Variants in MADD observed in about 807,000 individuals in gnomAD.
MADD encodes MAP kinase activating death domain, also known as MAP kinase-activating death domain protein.
A neutral mutation model predicts 176.7 loss-of-function variants in MADD; 109 were observed. The observed-to-expected ratio is 0.62, with a 90% CI of 0.53 to 0.72. MADD has a LOEUF of 0.72. Ranked by LOEUF, MADD falls within the 30% of genes least tolerant of loss-of-function variation. MADD has a pLI of 0.00. For missense variants in MADD, 1,914 were observed against 2,045.5 expected (o/e 0.94, Z 1.24); for synonymous variants, 771 against 771.3 (o/e 1.00, Z 0.01).
At chr11:47,312,184 C>T (rs2089934213) in intron 26 of MADD, among the ~76,000 whole-genome samples, 4 of 152,174 alleles carry the variant, frequency 2.6e-5, no homozygotes, top group Admixed American at 2.6e-4. Flanking sequence ...AAGACAATGG[C>T]CCCAAACTAT....
chr11:47,323,854 T>G lies in MADD; in HGVS notation c.4362+19T>G. The G allele has an allele frequency of 1.2e-6, 2 of 1,612,814 alleles. No individual in the cohort carries two copies. Among genetic ancestry groups the G allele is most frequent in the South Asian group, 2.2e-5 (2 of 91,032 alleles). On this transcript the variant is annotated intron_variant, in intron 28 of 32. Transcript: ENST00000402192. ...TAAAAAGGTACGCAGGATCTGTGTTTGGGTTGGGGCTAGTAGGCATTGAAG... is the reference window on the plus strand; with the variant it reads ...TAAAAAGGTACGCAGGATCTGTGTTGGGGTTGGGGCTAGTAGGCATTGAAG...
intron 1 of MADD, chr11:47,271,944 G>T (rs1169979945): frequency 6.6e-6 from 1 of 152,174 alleles, no homozygotes; most frequent in Admixed American, 6.5e-5. Context: ...ATTTGGGTTC[G>T]TTAAGCAGTG....
At chr11:47,278,976 C>A in intron 6 of MADD, 23 bp from the exon 7 acceptor site, 1 of 1,610,536 alleles carries the variant, frequency 6.2e-7, no homozygotes, top group Non-Finnish European at 8.5e-7. Flanking sequence ...AAGGTCACGT[C>A]TTTTATCATT....
At chr11:47,307,251 C>A (rs943545925) in intron 22 of MADD, among the ~76,000 whole-genome samples, 2 of 152,140 alleles carry the variant, frequency 1.3e-5, no homozygotes, top group South Asian at 4.1e-4. Context: ...TGAAATTATT[C>A]CAGTGTGTTT....
At chr11:47,290,710 A>G (rs1444532907) in exon 19 of MADD, 1 of 1,614,174 alleles carries the variant, frequency 6.2e-7, no homozygotes, top group Admixed American at 1.7e-5. Flanking sequence ...CTATGGCACA[A>G]CTGAGAGTTC....
At chr11:47,296,397 A>G (rs1186808856) in intron 22 of MADD, among the ~76,000 whole-genome samples, 3 of 152,220 alleles carry the variant, frequency 2.0e-5, no homozygotes. Context: ...GCTCTCGTTT[A>G]GTACCAGTCT....
chr11:47,326,028 A>G (rs1311896059), intron 30 of MADD, among the ~76,000 whole-genome samples: 4 of 152,180 alleles, frequency 2.6e-5, no homozygotes, highest in Non-Finnish European at 1.5e-5. Context: ...GTCTGGGGTA[A>G]ATGGGAAAAG....
chr11:47,324,575 CAGGT>C lies in MADD; in HGVS notation c.4542+3_4542+6del. ...GATCAACCTCAAATTCATGCACAATCAGGTAGGTGCGAGCGGCAGCACGAGGCTC... is the reference window on the plus strand; with the variant it reads ...GATCAACCTCAAATTCATGCACAATCAGGTGCGAGCGGCAGCACGAGGCTC... On this transcript the variant is annotated splice_donor_variant and coding_sequence_variant, in exon 30 of 33. Coordinates refer to ENST00000402192, the Ensembl canonical transcript of MADD. LOFTEE classifies it high-confidence loss of function. 6.2e-7 allele frequency: 1 copy of C among 1,609,948 alleles called. No individual in the cohort carries two copies. Among genetic ancestry groups the C allele is most frequent in the East Asian group, 2.2e-5 (1 of 44,838 alleles).
chr11:47,277,937 G>T (rs955014513), intron 5 of MADD, among the ~76,000 whole-genome samples: 21 of 152,122 alleles, frequency 1.4e-4, no homozygotes, highest in Admixed American at 2.6e-4. Context: ...CAGTTAACTG[G>T]AATCACAGAA....
In MADD at chr11:47,274,767, G is replaced by A. The variant is rs768681852; in HGVS notation, c.267G>A (p.Thr89=). ...TCACTGACAAGGACACTGGAGTCAC[G>A]CGATATGGCATCTGTGTTAACTTCT... Residue 89 remains threonine, a synonymous_variant, in exon 3 of 33, where the codon ACG becomes ACA. Transcript: ENST00000402192. 35 of 1,614,068 alleles carry A rather than the reference G, an allele frequency of 2.2e-5. No individual in the cohort carries two copies. Among genetic ancestry groups the A allele is most frequent in the Middle Eastern group, 1.6e-4 (1 of 6,084 alleles).
intron 22 of MADD, among the ~76,000 whole-genome samples, chr11:47,304,917 T>C: frequency 6.6e-6 from 1 of 152,014 alleles, no homozygotes; most frequent in East Asian, 1.9e-4. Context: ...TCACATGCAG[T>C]TGGGTTTTAG....
rs1565286438 is a variant in MADD at position 47,278,144 on chromosome 11, CCTT to C, written c.1096-17_1096-15del. On this transcript the variant is annotated intron_variant, in intron 5 of 32. Coordinates refer to ENST00000402192, the Ensembl canonical transcript of MADD. ...TGATAGGTTTTGTCTTTGTTTCTCA[CCTT>C]CTTTATCATTTCCACAGCTGCTGTT... 4 of 1,536,380 alleles carry C rather than the reference CCTT, an allele frequency of 2.6e-6. No individual in the cohort carries two copies. The highest frequency in any genetic ancestry group is 3.6e-6 in the Non-Finnish European group (4 of 1,109,668).
chr11:47,286,510 G>T, exon 15 of MADD: 1 of 1,613,874 alleles, frequency 6.2e-7, no homozygotes, highest in Non-Finnish European at 8.5e-7. Context: ...CCGAGAGAAG[G>T]CCACGCCCTT....
At chr11:47,289,692 G>A (rs1242436731) in intron 16 of MADD, among the ~76,000 whole-genome samples, 175 bp from the exon 18 acceptor site, 2 of 152,154 alleles carry the variant, frequency 1.3e-5, no homozygotes, top group African/African-American at 2.4e-5. Context: ...AATCAGCAGC[G>A]GTGGGTATTT....
At chr11:47,288,608 G>A (rs1003199276) in intron 15 of MADD, among the ~76,000 whole-genome samples, 1 of 152,198 alleles carries the variant, frequency 6.6e-6, no homozygotes, top group Non-Finnish European at 1.5e-5. Context: ...CCCCACAACA[G>A]CATCTGCAAG....
intron 10 of MADD, 75 bp from the exon 11 acceptor site, chr11:47,284,103 T>C: frequency 1.0e-6 from 1 of 991,548 alleles, no homozygotes; most frequent in Non-Finnish European, 1.6e-6. Context: ...CCCTTTTATT[T>C]TTCCTGGTGC....
At chr11:47,279,164 C>T (rs1591935551) in intron 7 of MADD, 85 bp downstream of exon 7, 1 of 1,301,688 alleles carries the variant, frequency 7.7e-7, no homozygotes, top group African/African-American at 1.5e-5. Context: ...GAGCCAATTT[C>T]CTATCAAACT....
chr11:47,312,225 A>G (rs1186449875), intron 26 of MADD, among the ~76,000 whole-genome samples: 1 of 152,076 alleles, frequency 6.6e-6, no homozygotes, highest in Non-Finnish European at 1.5e-5. Context: ...TTGCCTTCAT[A>G]TACTCTCAGT....
Position 47,273,857 on chromosome 11 carries a change from G to A in MADD, c.-58G>A, listed in dbSNP as rs2047266425. ...GATTTTCAGAATTCCTCCTGGGAAT[G>A]CTGACTCCTTGCTTGGTGCCCTGAT... On this transcript the variant is annotated 5_prime_UTR_variant, in exon 2 of 33. It removes an upstream start codon present in the reference 5' UTR. Transcript: ENST00000402192. 10 of 1,451,694 alleles carry A rather than the reference G, an allele frequency of 6.9e-6. No homozygotes were observed. The highest frequency in any genetic ancestry group is 9.7e-6 in the Non-Finnish European group (10 of 1,032,652). The allele number at this position is 1,451,694 out of a possible 1,614,324, so 89.9% of individuals were successfully genotyped here.
Sources: gnomAD v4.1 joint callset for allele counts (sites outside exome capture counted in the v4.1 genomes callset) on GRCh38, gnomAD v4.1.1 for gene constraint, MANE v1.5 for transcripts, NCBI Gene and HGNC (gene_info 2026-07-23, HGNC 2026-07-21) for gene names.